The following CEP162 variants were observed in gnomAD, a reference collection of about 807,000 sequenced individuals.
The protein encoded by CEP162 is centrosomal protein 162, also known as centrosomal protein of 162 kDa.
A neutral mutation model predicts 169.2 loss-of-function variants in CEP162; 141 were observed. The ratio of observed to expected loss-of-function variants is 0.83; its 90% CI spans 0.73 to 0.96. CEP162 has a LOEUF of 0.96. Ranked by LOEUF, CEP162 falls within the 40% of genes least tolerant of loss-of-function variation. The probability of loss-of-function intolerance (pLI) is 0.00; values close to 1 mark genes in which losing one functional copy is unlikely to be tolerated. For missense variants in CEP162, 1,600 were observed against 1,587.2 expected, an observed-to-expected ratio of 1.01 and a Z score of -0.14; for synonymous variants, 540 against 526.4, an observed-to-expected ratio of 1.03 and a Z score of -0.35.
At chr6:84,196,335 T>C (rs1161642521) in intron 9 of CEP162, among the ~76,000 whole-genome samples, 1 of 152,240 alleles carries the variant, frequency 6.6e-6, no homozygotes, top group Non-Finnish European at 1.5e-5. Flanking sequence ...CCTTCTGCCA[T>C]GATTGTGAGG....
intron 5 of CEP162, among the ~76,000 whole-genome samples, chr6:84,214,075 G>A (rs548238144): frequency 3.3e-5 from 5 of 152,242 alleles, no homozygotes; most frequent in African/African-American, 1.2e-4. Context: ...TCAGGAGATC[G>A]AGACCATCCT....
chr6:84,182,847 G>A (rs72909516), intron 13 of CEP162, among the ~76,000 whole-genome samples: 2,303 of 152,150 alleles, frequency 0.015, 28 homozygotes, highest in Non-Finnish European at 0.026. Context: ...GTTAAGTTCC[G>A]GTAGTTGGGC....
intron 24 of CEP162, among the ~76,000 whole-genome samples, chr6:84,147,799 C>A (rs2099519596): frequency 6.6e-6 from 1 of 151,934 alleles, no homozygotes; most frequent in Non-Finnish European, 1.5e-5. Flanking sequence ...ATAACATAAG[C>A]CTCATAATAT....
At chr6:84,153,698 C>A (rs375337895) in intron 22 of CEP162, among the ~76,000 whole-genome samples, 1 of 152,214 alleles carries the variant, frequency 6.6e-6, no homozygotes, top group African/African-American at 2.4e-5. Context: ...ATTTCTCCTA[C>A]GGAGGGAGGC....
At chr6:84,182,425 T>C (rs1480191776) in intron 13 of CEP162, among the ~76,000 whole-genome samples, 1 of 152,054 alleles carries the variant, frequency 6.6e-6, no homozygotes, top group African/African-American at 2.4e-5. Flanking sequence ...CAAAGAAAAT[T>C]AATCAAAACT....
chr6:84,150,490 T>G (rs1330438126), intron 23 of CEP162, among the ~76,000 whole-genome samples: 1 of 152,108 alleles, frequency 6.6e-6, no homozygotes, highest in Non-Finnish European at 1.5e-5. Context: ...TATGAATATT[T>G]CTCCATGGAA....
Position 84,124,813 on chromosome 6 carries a change from G to A in CEP162, c.*257C>T. Reference sequence around the variant, plus strand: ...TTTTCTTTCTATTTCTAGCATACAAGTGAGCCCTTCTCTGCTATAAAGGAA... The same window carrying A: ...TTTTCTTTCTATTTCTAGCATACAAATGAGCCCTTCTCTGCTATAAAGGAA... On this transcript the variant is annotated 3_prime_UTR_variant, in exon 27 of 27. Transcript: ENST00000403245. The A allele has an allele frequency of 8.8e-6, 4 of 453,784 alleles. No homozygotes were observed. Among genetic ancestry groups the A allele is most frequent in the Non-Finnish European group, 1.5e-5 (4 of 259,992 alleles). The allele number at this position is 453,784 out of a possible 1,614,324, so 28.1% of individuals were successfully genotyped here.
chr6:84,194,641 A>G (rs1588848901), intron 10 of CEP162, among the ~76,000 whole-genome samples: 1 of 151,814 alleles, frequency 6.6e-6, no homozygotes, highest in African/African-American at 2.4e-5. Flanking sequence ...TTTAGTAGAG[A>G]TGGGGTTTCA....
intron 15 of CEP162, 131 bp from the exon 16 acceptor site, chr6:84,174,319 T>A (rs949672663): frequency 1.3e-6 from 1 of 785,956 alleles, no homozygotes; most frequent in Non-Finnish European, 2.0e-6. Context: ...GAATGTGACA[T>A]AACTAGTTAA....
chr6:84,226,049 T>G (rs12662063), intron 2 of CEP162, among the ~76,000 whole-genome samples: 1,549 of 149,756 alleles, frequency 0.01, 27 homozygotes, highest in East Asian at 0.086. Context: ...TTGTTTGTTT[T>G]TTTTTTTCTA....
intron 21 of CEP162, chr6:84,155,719 T>C (rs1040261510): frequency 1.9e-6 from 1 of 514,214 alleles, no homozygotes; most frequent in African/African-American, 1.9e-5. Context: ...CAAACACTGA[T>C]AAAGAAAACC....
At chr6:84,224,022 A>G (rs1281547245) in intron 2 of CEP162, among the ~76,000 whole-genome samples, 7 of 152,218 alleles carry the variant, frequency 4.6e-5, no homozygotes, top group African/African-American at 1.7e-4. Flanking sequence ...ATGATACAGC[A>G]ATTTCACTCT....
chr6:84,189,728 C>G (rs897842144), intron 11 of CEP162, among the ~76,000 whole-genome samples: 1 of 152,234 alleles, frequency 6.6e-6, no homozygotes, highest in African/African-American at 2.4e-5. Context: ...CCAGTCCCAT[C>G]GACCACCCAA....
chr6:84,190,380 G>A (rs933706841), intron 11 of CEP162, among the ~76,000 whole-genome samples: 10 of 152,100 alleles, frequency 6.6e-5, no homozygotes, highest in Non-Finnish European at 1.3e-4. Flanking sequence ...ATAAAAGCAG[G>A]CTGCCCGAGC....
chr6:84,153,036 T>G lies in CEP162; in HGVS notation c.3138A>C (p.Glu1046Asp). The G allele has an allele frequency of 6.2e-7, 1 of 1,613,570 alleles. No individual in the cohort carries two copies. Among genetic ancestry groups the G allele is most frequent in the African/African-American group, 1.3e-5 (1 of 75,022 alleles). The change falls in exon 23 of 27, where the codon GAA becomes GAC. Residue 1046 changes from glutamate (E) to aspartate (D), a missense_variant. Transcript: ENST00000403245. ...GATGTTTAAGAACGTCTATTTCGGCTTCAAGGTTTCTTACAGTGATCTGAT... is the reference window on the plus strand; with the variant it reads ...GATGTTTAAGAACGTCTATTTCGGCGTCAAGGTTTCTTACAGTGATCTGAT... Reference protein sequence around the residue: ...EAHQITVRNLEAEIDVLKHQN... With the variant: ...EAHQITVRNLDAEIDVLKHQN...
At chr6:84,214,510 T>C (rs1364712678) in intron 5 of CEP162, among the ~76,000 whole-genome samples, 2 of 152,146 alleles carry the variant, frequency 1.3e-5, no homozygotes, top group African/African-American at 4.8e-5. Flanking sequence ...GCTTGTTAGC[T>C]TGCCAAGTAG....
chr6:84,130,396 C>T (rs1191617243), intron 25 of CEP162, among the ~76,000 whole-genome samples: 1 of 152,146 alleles, frequency 6.6e-6, no homozygotes, highest in Non-Finnish European at 1.5e-5. Context: ...AGGAGTCCCT[C>T]TTTTTCTATT....
intron 11 of CEP162, among the ~76,000 whole-genome samples, chr6:84,190,293 G>C (rs950831300): frequency 1.3e-5 from 2 of 151,982 alleles, no homozygotes; most frequent in South Asian, 2.1e-4. Context: ...GATTGTAAAC[G>C]CACCAATCAG....
rs1014262177 is a variant in CEP162, at chr6:84,205,827, T to C, written c.572-1731A>G. Among the ~76,000 whole-genome samples the C allele has an allele frequency of 1.1e-4, 16 of 150,830 alleles. 1 individual carries two copies. Among genetic ancestry groups the C allele is most frequent in the African/African-American group, 3.0e-4 (12 of 40,122 alleles). On this transcript the variant is annotated intron_variant, in intron 6 of 26. Transcript: ENST00000403245. Reference sequence around the variant, plus strand: ...ATTGTATATTTAGAATACCCCACTGTCTCAGCCCAAAATCTCCTTAAGCTG... The same window carrying C: ...ATTGTATATTTAGAATACCCCACTGCCTCAGCCCAAAATCTCCTTAAGCTG...
Sources: gnomAD v4.1 joint callset for allele counts (sites outside exome capture counted in the v4.1 genomes callset) on GRCh38, gnomAD v4.1.1 for gene constraint, MANE v1.5 for transcripts, NCBI Gene and HGNC (gene_info 2026-07-23, HGNC 2026-07-21) for gene names.